TARM1: variants seen among roughly 807,000 people sequenced by gnomAD.
The protein encoded by TARM1 is T cell-interacting, activating receptor on myeloid cells 1, also known as T-cell-interacting, activating receptor on myeloid cells protein 1.
A neutral mutation model predicts 30.4 loss-of-function variants in TARM1; 24 were observed. The observed-to-expected ratio is 0.79, with a 90% CI of 0.57 to 1.11. TARM1 has a LOEUF of 1.11. TARM1 is among the 50% of genes least tolerant of loss of function. The pLI is 0.00. For synonymous variants in TARM1, 129 were observed against 138.9 expected, an observed-to-expected ratio of 0.93 and a Z score of 0.50; for missense variants, 323 against 332.8, an observed-to-expected ratio of 0.97 and a Z score of 0.23.
intron 1 of TARM1, chr19:54,076,313 G>C: frequency 1.4e-6 from 1 of 726,128 alleles, no homozygotes; most frequent in Non-Finnish European, 1.9e-6. Context: ...ACAGAGTCTC[G>C]CTCTTTCTTT....
chr19:54,078,328 GCT>G, intron 1 of TARM1, among the ~76,000 whole-genome samples: 1 of 151,572 alleles, frequency 6.6e-6, no homozygotes, highest in South Asian at 2.1e-4. Flanking sequence ...TGGGACTACA[GCT>G]GCACACCACC....
chr19:54,074,241 G>C lies in TARM1; in HGVS notation c.362-25C>G, dbSNP rs186542718. On this transcript the variant is annotated intron_variant, in intron 3 of 4. Transcript: ENST00000432826. ...CCTGTAAGAGAAGTCAGGTTCTGAG[G>C]TCCTGGGGAGAAGTCTGGAATCCCC... is the stretch of plus-strand genomic sequence containing the variant. 592 of 1,542,066 alleles carry C rather than the reference G, an allele frequency of 3.8e-4. 1 individual carries two copies. The highest frequency in any genetic ancestry group is 2.5e-3 in the Admixed American group (125 of 50,750).
chr19:54,076,197 G>A, intron 1 of TARM1: 1 of 1,508,220 alleles, frequency 6.6e-7, no homozygotes, highest in East Asian at 2.5e-5. Context: ...TCTTCTGTTT[G>A]AAAACAGCAC....
chr19:54,074,043 T>C lies in TARM1; in HGVS notation c.535A>G (p.Ile179Val). 1 of 1,551,656 alleles carries C rather than the reference T, an allele frequency of 6.4e-7. No individual in the cohort carries two copies. Among genetic ancestry groups the C allele is most frequent in the Non-Finnish European group, 8.7e-7 (1 of 1,146,984 alleles). Residue 179 changes from isoleucine to valine, a missense_variant, in exon 4 of 5, where the codon ATA becomes GTA. By Grantham distance (29) the Ile-to-Val change is conservative. Coordinates refer to ENST00000432826, the MANE Select transcript of TARM1 (RefSeq NM_001135686.3). ...IQLQSPAGKE[I>V]DFSLVDVTAG... The stretch of plus-strand genomic sequence containing the variant: ...GTCACGTCCACCAGAGAGAAGTCTA[T>C]CTCCTTCCCCGCTGGACTCTGCAGC...
chr19:54,074,643 A>G (rs955986907), intron 3 of TARM1, among the ~76,000 whole-genome samples, 181 bp downstream of exon 3: 1 of 152,162 alleles, frequency 6.6e-6, no homozygotes, highest in Non-Finnish European at 1.5e-5. Context: ...AGATGGCACC[A>G]CTGCACTCTG....
At chr19:54,076,939 T>A (rs2146217808) in intron 1 of TARM1, among the ~76,000 whole-genome samples, 1 of 152,298 alleles carries the variant, frequency 6.6e-6, no homozygotes, top group South Asian at 2.1e-4. Context: ...ACAAAATTTA[T>A]TGTTTGGTGT....
chr19:54,075,821 A>G, intron 2 of TARM1, 62 bp downstream of exon 2: 2 of 1,501,508 alleles, frequency 1.3e-6, no homozygotes, highest in Admixed American at 2.0e-5. Flanking sequence ...GGGGAAGGGG[A>G]AGAGAACAGC....
intron 1 of TARM1, among the ~76,000 whole-genome samples, chr19:54,079,245 C>T (rs1030706620): frequency 8.6e-5 from 11 of 128,248 alleles, no homozygotes; most frequent in East Asian, 4.5e-4. Context: ...GCCTGGGTGA[C>T]GAAGCAAGAC....
chr19:54,075,830 G>T (rs1484186368), intron 2 of TARM1, 53 bp downstream of exon 2: 2 of 1,528,680 alleles, frequency 1.3e-6, no homozygotes, highest in Non-Finnish European at 1.8e-6. Flanking sequence ...GAAGAGAACA[G>T]CAGGGGATTT....
intron 1 of TARM1, among the ~76,000 whole-genome samples, chr19:54,080,492 A>AAGGG (rs1451276410): frequency 8.7e-5 from 7 of 80,440 alleles, no homozygotes; most frequent in East Asian, 4.5e-4. Flanking sequence ...GAGAGGAAGG[A>AAGGG]AGGGAGGAAG....
At chr19:54,076,669 A>G (rs2071964838) in intron 1 of TARM1, 1 of 153,138 alleles carries the variant, frequency 6.5e-6, no homozygotes, top group African/African-American at 2.4e-5. Flanking sequence ...GCTTCTTTTT[A>G]TTTTTTAATT....
chr19:54,079,092 T>TAA (rs1162488725), intron 1 of TARM1, among the ~76,000 whole-genome samples: 5 of 102,412 alleles, frequency 4.9e-5, no homozygotes, highest in African/African-American at 7.5e-5. Flanking sequence ...TTGTCTCTAC[T>TAA]AAAAAAAAAA....
At chr19:54,076,564 T>C (rs1448652223) in intron 1 of TARM1, 2 of 217,488 alleles carry the variant, frequency 9.2e-6, no homozygotes, top group South Asian at 9.8e-5. Context: ...GGTTTCACCA[T>C]ATTGGCCAGG....
intron 1 of TARM1, among the ~76,000 whole-genome samples, chr19:54,077,074 G>C (rs1377033095): frequency 1.3e-5 from 2 of 152,008 alleles, no homozygotes; most frequent in Non-Finnish European, 2.9e-5. Context: ...TAGAGACAGG[G>C]CTGGGCTGGT....
chr19:54,070,981 G>A (rs2071796750), intron 4 of TARM1, among the ~76,000 whole-genome samples: 4 of 151,852 alleles, frequency 2.6e-5, no homozygotes, highest in Admixed American at 2.0e-4. Flanking sequence ...TTTTTGAGAC[G>A]ACGTCTCACT....
At position 54,073,924 on chromosome 19, in the gene TARM1, C is replaced by T. The variant is rs1271770934; in HGVS notation, c.654G>A (p.Val218=). The change falls in exon 4 of 5, where the codon GTG becomes GTA. Residue 218 remains valine, a synonymous_variant. Coordinates refer to ENST00000432826, the MANE Select transcript of TARM1 (RefSeq NM_001135686.3). ...CAAAACCATACACGCCCTTACCTGT[C>T]ACCAATATCTCAAGCTGATCACTGG... ...SEPSDQLEIL[V]TVPPGTTSSN... The T allele has an allele frequency of 1.3e-6, 2 of 1,551,146 alleles. No individual in the cohort carries two copies. The highest frequency in any genetic ancestry group is 1.7e-4 in the Middle Eastern group (1 of 5,974).
In TARM1 at chr19:54,071,451, A is replaced by G. The variant is rs576319382; in HGVS notation, c.659-1291T>C. 3.9e-5 allele frequency among the ~76,000 whole-genome samples: 6 copies of G among 152,270 alleles called. No homozygotes were observed. The South Asian group carries it at 1.2e-3, about 32-fold the overall frequency. On this transcript the variant is annotated intron_variant, in intron 4 of 4. Transcript: ENST00000432826. ...CAGCACATGAGACGGAAGGAGCTCTACAGAGCCCCGAATTCCGTGGCTGGA... is the reference window on the plus strand; with the variant it reads ...CAGCACATGAGACGGAAGGAGCTCTGCAGAGCCCCGAATTCCGTGGCTGGA...
intron 1 of TARM1, among the ~76,000 whole-genome samples, chr19:54,078,700 A>T (rs1265068947): frequency 6.6e-6 from 1 of 151,502 alleles, no homozygotes; most frequent in Non-Finnish European, 1.5e-5. Context: ...ACAGGGTTTC[A>T]CCATGTTGCC....
At chr19:54,077,418 A>G (rs1383368953) in intron 1 of TARM1, among the ~76,000 whole-genome samples, 1 of 152,036 alleles carries the variant, frequency 6.6e-6, no homozygotes, top group Admixed American at 6.6e-5. Flanking sequence ...AAAAAACATA[A>G]TATCAAGCCT....
Sources: gnomAD v4.1 joint callset for allele counts (sites outside exome capture counted in the v4.1 genomes callset) on GRCh38, gnomAD v4.1.1 for gene constraint, MANE v1.5 for transcripts, NCBI Gene and HGNC (gene_info 2026-07-23, HGNC 2026-07-21) for gene names.